MARCHF1: variants seen among roughly 807,000 people sequenced by gnomAD.
MARCHF1 encodes E3 ubiquitin-protein ligase MARCHF1.
A neutral mutation model predicts 54.2 loss-of-function variants in MARCHF1; 40 were observed. The observed-to-expected ratio is 0.74, with a 90% CI of 0.57 to 0.96. The LOEUF (loss-of-function observed/expected upper bound fraction) is 0.96, where lower values mean the gene tolerates loss of function less well. MARCHF1 is among the 40% of genes least tolerant of loss of function. The pLI is 0.00. For missense variants in MARCHF1, 586 were observed against 656.5 expected (o/e 0.89, Z 1.17); for synonymous variants, 236 against 236.3 (o/e 1.00, Z 0.01).
chr4:163,621,698 T>C (rs1741700686), intron 5 of MARCHF1, among the ~76,000 whole-genome samples: 1 of 152,178 alleles, frequency 6.6e-6, no homozygotes, highest in Admixed American at 6.5e-5. Context: ...ACAGGAACAC[T>C]GGGTCTCTGC....
intron 3 of MARCHF1, among the ~76,000 whole-genome samples, chr4:163,908,858 G>T (rs1054929684): frequency 6.6e-6 from 1 of 152,070 alleles, no homozygotes; most frequent in African/African-American, 2.4e-5. Flanking sequence ...TTAACATAAT[G>T]ATTCTCTAGT....
intron 4 of MARCHF1, among the ~76,000 whole-genome samples, chr4:163,759,070 G>T: frequency 6.6e-6 from 1 of 151,146 alleles, no homozygotes. Context: ...TTCTTTCTAT[G>T]TATTTTCAAT....
At chr4:163,831,545 T>G (rs756233453) in intron 4 of MARCHF1, among the ~76,000 whole-genome samples, 2 of 152,020 alleles carry the variant, frequency 1.3e-5, no homozygotes, top group Non-Finnish European at 2.9e-5. Context: ...GAACTTTCAT[T>G]GTGACACTGT....
chr4:163,863,181 G>T lies in MARCHF1; in HGVS notation c.-38-9012C>A, dbSNP rs563468712. ...ATTAAAAGACATCATTTCGAGTTCAGGGATCCCAGGATGGAAAGCAGGCTG... is the reference window on the plus strand; with the variant it reads ...ATTAAAAGACATCATTTCGAGTTCATGGATCCCAGGATGGAAAGCAGGCTG... On this transcript the variant is annotated intron_variant, in intron 3 of 9. Transcript: ENST00000514618. Among the ~76,000 whole-genome samples the T allele has an allele frequency of 6.6e-5, 10 of 152,112 alleles. No homozygotes were observed. In the South Asian group the frequency reaches 2.1e-3, roughly 32 times the overall value.
intron 2 of MARCHF1, among the ~76,000 whole-genome samples, chr4:164,012,136 A>G (rs1268652509): frequency 2.6e-5 from 4 of 152,210 alleles, no homozygotes; most frequent in African/African-American, 4.8e-5. Context: ...TTTAAGTGGC[A>G]GTCAGGACAC....
At chr4:163,841,447 AT>A (rs892174016) in intron 4 of MARCHF1, among the ~76,000 whole-genome samples, 5 of 45,490 alleles carry the variant, frequency 1.1e-4, no homozygotes, top group African/African-American at 1.4e-4. Flanking sequence ...AATAGAGTCT[AT>A]TTTTTTTAAA....
intron 9 of MARCHF1, among the ~76,000 whole-genome samples, chr4:163,531,564 C>T (rs964454565): frequency 4.6e-5 from 7 of 151,826 alleles, no homozygotes; most frequent in Non-Finnish European, 8.8e-5. Context: ...CTTACCATGC[C>T]TATTCCGCAT....
chr4:164,321,300 A>C (rs1222000395), intron 1 of MARCHF1, among the ~76,000 whole-genome samples: 2 of 152,162 alleles, frequency 1.3e-5, no homozygotes, highest in Non-Finnish European at 2.9e-5. Context: ...AAACAAAGTA[A>C]TTTTAAAAAT....
In MARCHF1 at chr4:163,726,287, C is replaced by T. The variant is rs114710478; in HGVS notation, c.112-25424G>A. On this transcript the variant is annotated intron_variant, in intron 4 of 9. Coordinates refer to ENST00000514618, the MANE Select transcript of MARCHF1 (RefSeq NM_001394959.1). ...CTCTGCCTATTCATCCCTCTCTCCC[C>T]AACCTCTGGCAACCACTAATTCTTT... 8.8e-3 allele frequency among the ~76,000 whole-genome samples: 1,341 copies of T among 152,296 alleles called. 15 individuals carry two copies. The highest frequency in any genetic ancestry group is 0.031 in the African/African-American group (1,275 of 41,578).
intron 4 of MARCHF1, among the ~76,000 whole-genome samples, chr4:163,803,693 A>T (rs1278098870): frequency 6.6e-6 from 1 of 151,958 alleles, no homozygotes; most frequent in Non-Finnish European, 1.5e-5. Context: ...TTTTTCTCTC[A>T]CTGTAATGAT....
intron 4 of MARCHF1, among the ~76,000 whole-genome samples, chr4:163,733,527 C>T (rs1263906221): frequency 2.0e-5 from 3 of 150,154 alleles, no homozygotes; most frequent in African/African-American, 2.5e-5. Context: ...CATATGTATA[C>T]ATGTGCCATG....
intron 3 of MARCHF1, among the ~76,000 whole-genome samples, chr4:163,916,869 G>T (rs28675163): frequency 0.021 from 3,159 of 152,132 alleles, 146 homozygotes; most frequent in East Asian, 0.19. Flanking sequence ...CCCTAAGCCT[G>T]TGGTTTATAT....
At chr4:163,976,751 G>A (rs1192876066) in intron 3 of MARCHF1, among the ~76,000 whole-genome samples, 1 of 152,170 alleles carries the variant, frequency 6.6e-6, no homozygotes, top group Non-Finnish European at 1.5e-5. Context: ...ACGGGAGTAG[G>A]TCACATGGAT....
chr4:163,822,376 A>G (rs2111057755), intron 4 of MARCHF1, among the ~76,000 whole-genome samples: 1 of 152,066 alleles, frequency 6.6e-6, no homozygotes, highest in East Asian at 1.9e-4. Flanking sequence ...TTTGCCAATT[A>G]TATGAATAGT....
At chr4:163,967,980 C>T (rs966808666) in intron 3 of MARCHF1, among the ~76,000 whole-genome samples, 2 of 152,146 alleles carry the variant, frequency 1.3e-5, no homozygotes, top group African/African-American at 4.8e-5. Context: ...ATGTTAATCT[C>T]ATCCAAAACC....
intron 2 of MARCHF1, among the ~76,000 whole-genome samples, chr4:164,053,471 C>T (rs981573957): frequency 6.6e-6 from 1 of 152,092 alleles, no homozygotes; most frequent in Non-Finnish European, 1.5e-5. Context: ...AACAGTGATG[C>T]TTGGCTGGGC....
At chr4:163,943,188 T>G (rs1480674885) in intron 3 of MARCHF1, among the ~76,000 whole-genome samples, 1 of 152,202 alleles carries the variant, frequency 6.6e-6, no homozygotes, top group Non-Finnish European at 1.5e-5. Context: ...TAGAAGCTCT[T>G]TAGTTAGATC....
intron 8 of MARCHF1, among the ~76,000 whole-genome samples, chr4:163,580,167 C>T (rs985004073): frequency 6.6e-6 from 1 of 152,124 alleles, no homozygotes; most frequent in East Asian, 1.9e-4. Context: ...CAACCTCCAC[C>T]TCCCAGGTTC....
At chr4:163,717,149 C>G (rs1357716136) in intron 4 of MARCHF1, among the ~76,000 whole-genome samples, 1 of 112,522 alleles carries the variant, frequency 8.9e-6, no homozygotes, top group Non-Finnish European at 1.7e-5. Flanking sequence ...CTCCCCCCTC[C>G]CCCCACCCCA....
Sources: allele counts gnomAD v4.1 joint callset (sites outside exome capture counted in the v4.1 genomes callset), GRCh38; gene constraint gnomAD v4.1.1; transcripts MANE v1.5; gene names NCBI Gene and HGNC (gene_info 2026-07-23, HGNC 2026-07-21).